GPHN: variants seen among roughly 807,000 people sequenced by gnomAD.
GPHN encodes gephyrin.
A neutral mutation model predicts 95.5 loss-of-function variants in GPHN; 17 were observed. That is an observed-to-expected ratio of 0.18 (90% CI 0.12 to 0.27). The LOEUF (loss-of-function observed/expected upper bound fraction) is 0.27. Among genes scored for constraint, GPHN ranks in the 10% least tolerant of loss-of-function variants. The pLI is 1.00. For missense variants in GPHN, 660 were observed against 978.1 expected (o/e 0.67, Z 4.34); for synonymous variants, 320 against 322.5 (o/e 0.99, Z 0.08).
At chr14:66,719,898 T>C (rs2070562333) in intron 2 of GPHN, among the ~76,000 whole-genome samples, 1 of 152,210 alleles carries the variant, frequency 6.6e-6, no homozygotes, top group Non-Finnish European at 1.5e-5. Flanking sequence ...CTAGTGACCA[T>C]GTAAATCATA....
the GPHN span, among the ~76,000 whole-genome samples, chr14:67,456,736 TAAAAC>T: frequency 4.6e-5 from 7 of 152,190 alleles, no homozygotes; most frequent in Non-Finnish European, 5.9e-5. Flanking sequence ...TCAAAGAACT[TAAAAC>T]AGAACTACCG....
chr14:66,592,062 C>T (rs1455636522), intron 1 of GPHN, among the ~76,000 whole-genome samples: 1 of 152,152 alleles, frequency 6.6e-6, no homozygotes, highest in Non-Finnish European at 1.5e-5. Context: ...AAACGATTCC[C>T]TATTTAATAA....
intron 11 of GPHN, among the ~76,000 whole-genome samples, chr14:67,085,188 CAGAACAA>C (rs1307753492): frequency 2.0e-5 from 3 of 152,146 alleles, no homozygotes; most frequent in African/African-American, 7.2e-5. Context: ...TGCAAACTAC[CAGAACAA>C]AGTTTTTAGA....
At chr14:67,534,992 C>T in the GPHN span, among the ~76,000 whole-genome samples, 1 of 152,138 alleles carries the variant, frequency 6.6e-6, no homozygotes, top group Non-Finnish European at 1.5e-5. Flanking sequence ...TCAATAAGAT[C>T]ATGTAAAAGC....
chr14:67,621,004 G>T, the GPHN span: 3 of 1,580,718 alleles, frequency 1.9e-6, no homozygotes, highest in Non-Finnish European at 8.7e-7. Context: ...TGCAGGACTA[G>T]TAATAGACCA....
chr14:66,705,501 C>G (rs1300070598), intron 2 of GPHN, among the ~76,000 whole-genome samples: 1 of 152,182 alleles, frequency 6.6e-6, no homozygotes, highest in Non-Finnish European at 1.5e-5. Context: ...GGATGCAAGG[C>G]TGGTTCAACA....
the GPHN span, among the ~76,000 whole-genome samples, chr14:67,611,375 C>T: frequency 6.6e-6 from 1 of 152,058 alleles, no homozygotes; most frequent in South Asian, 2.1e-4. Flanking sequence ...ATTCTCCAGC[C>T]TCAGCCTCCC....
chr14:67,348,883 C>A, the GPHN span: 1 of 726,066 alleles, frequency 1.4e-6, no homozygotes. Context: ...TAATTAGAAA[C>A]CTGGTTGTTA....
chr14:66,977,193 A>T (rs939480750), intron 9 of GPHN, among the ~76,000 whole-genome samples: 1 of 152,148 alleles, frequency 6.6e-6, no homozygotes, highest in South Asian at 2.1e-4. Context: ...GTACTTTGGG[A>T]GGCCGAGGCG....
intron 1 of GPHN, among the ~76,000 whole-genome samples, chr14:66,666,899 G>A (rs1397725122): frequency 6.6e-6 from 1 of 152,182 alleles, no homozygotes; most frequent in East Asian, 1.9e-4. Flanking sequence ...AGTCGTCTCA[G>A]CCCAAAAGCT....
At chr14:67,318,451 A>G in the GPHN span, among the ~76,000 whole-genome samples, 1 of 152,190 alleles carries the variant, frequency 6.6e-6, no homozygotes, top group African/African-American at 2.4e-5. Flanking sequence ...AACAGACTGA[A>G]GTTAACTAGT....
the GPHN span, among the ~76,000 whole-genome samples, chr14:67,255,658 C>T: frequency 5.3e-5 from 8 of 152,090 alleles, no homozygotes; most frequent in African/African-American, 1.2e-4. Context: ...GGTTCCAGAA[C>T]GCTTGAAAGA....
the GPHN span, among the ~76,000 whole-genome samples, chr14:67,538,451 G>C: frequency 6.6e-6 from 1 of 152,228 alleles, no homozygotes; most frequent in African/African-American, 2.4e-5. Flanking sequence ...GCTTTGACAA[G>C]TTACAAACTC....
At chr14:67,699,210 G>A in the GPHN span, among the ~76,000 whole-genome samples, 8 of 151,492 alleles carry the variant, frequency 5.3e-5, no homozygotes, top group East Asian at 1.9e-4. Flanking sequence ...CCAAGTTCGC[G>A]CCATTGCACT....
chr14:67,533,484 T>A, the GPHN span: 3 of 151,868 alleles, frequency 2.0e-5, no homozygotes, highest in Admixed American at 1.3e-4. Flanking sequence ...GGACGGCCCC[T>A]CGGGCCCAGA....
intron 10 of GPHN, among the ~76,000 whole-genome samples, chr14:67,031,423 C>G (rs565998642): frequency 6.6e-6 from 1 of 152,234 alleles, no homozygotes; most frequent in South Asian, 2.1e-4. Context: ...AGCTGCTTAC[C>G]ATCACTTAGA....
At chr14:67,323,259 G>GTATATATATA in the GPHN span, among the ~76,000 whole-genome samples, 75 of 125,210 alleles carry the variant, frequency 6.0e-4, 3 homozygotes, top group South Asian at 0.018. Flanking sequence ...GTGTGTGTGT[G>GTATATATATA]TGTATATATA....
At chr14:67,200,592 T>G in the GPHN span, 1 of 215,000 alleles carries the variant, frequency 4.7e-6, no homozygotes, top group Admixed American at 6.3e-5. Context: ...ATTAACACGT[T>G]CTCTGCACTC....
At chr14:66,906,594 C>A (rs1357800302) in intron 5 of GPHN, among the ~76,000 whole-genome samples, 2 of 152,136 alleles carry the variant, frequency 1.3e-5, no homozygotes, top group Non-Finnish European at 2.9e-5. Context: ...TATTTGAGTT[C>A]TGGGATATTT....
Sources: allele counts gnomAD v4.1 joint callset (sites outside exome capture counted in the v4.1 genomes callset), GRCh38; gene constraint gnomAD v4.1.1; transcripts MANE v1.5; gene names NCBI Gene and HGNC (gene_info 2026-07-23, HGNC 2026-07-21).